GRIK2: variants seen among roughly 807,000 people sequenced by gnomAD.
GRIK2 encodes the protein glutamate receptor ionotropic, kainate 2.
A neutral mutation model predicts 100.3 loss-of-function variants in GRIK2; 32 were observed. The ratio of observed to expected loss-of-function variants is 0.32; its 90% confidence interval spans 0.24 to 0.43. The LOEUF is 0.43. Among genes scored for constraint, GRIK2 ranks in the 20% least tolerant of loss-of-function variants. The pLI, the probability that GRIK2 is intolerant of heterozygous loss-of-function variation, is 1.00. For missense variants in GRIK2, 843 were observed against 1,114.9 expected (o/e 0.76, Z 3.47); for synonymous variants, 417 against 389.4 (o/e 1.07, Z -0.83).
chr6:101,466,957 T>A (rs530946862), intron 2 of GRIK2, among the ~76,000 whole-genome samples: 29 of 152,322 alleles, frequency 1.9e-4, no homozygotes, highest in Non-Finnish European at 3.7e-4. Context: ...GTAAAAATAA[T>A]TTTCTTTCTT....
At chr6:101,572,170 C>T (rs1387479827) in intron 2 of GRIK2, among the ~76,000 whole-genome samples, 1 of 152,034 alleles carries the variant, frequency 6.6e-6, no homozygotes, top group South Asian at 2.1e-4. Flanking sequence ...AAAATTCTTA[C>T]ACAGATATTA....
At chr6:101,426,686 G>A (rs1890275) in intron 2 of GRIK2, among the ~76,000 whole-genome samples, 8,132 of 152,174 alleles carry the variant, frequency 0.053, 358 homozygotes, top group South Asian at 0.14. Context: ...TCATATTTGT[G>A]CCTGCCTCTC....
chr6:101,855,580 C>A (rs145020517), intron 10 of GRIK2, among the ~76,000 whole-genome samples: 4 of 151,990 alleles, frequency 2.6e-5, no homozygotes, highest in African/African-American at 9.7e-5. Context: ...AGAGCCAAGA[C>A]GTGGAGTTAG....
At chr6:101,677,954 T>C (rs879865736) in intron 5 of GRIK2, among the ~76,000 whole-genome samples, 1 of 152,180 alleles carries the variant, frequency 6.6e-6, no homozygotes, top group Admixed American at 6.5e-5. Context: ...ATGAAGCATA[T>C]GAGAGTTTTT....
At chr6:101,712,358 C>T (rs1035941111) in intron 7 of GRIK2, among the ~76,000 whole-genome samples, 2 of 151,768 alleles carry the variant, frequency 1.3e-5, no homozygotes, top group African/African-American at 4.8e-5. Flanking sequence ...GATTTATATG[C>T]CCATTGGAAT....
intron 14 of GRIK2, among the ~76,000 whole-genome samples, chr6:102,002,855 G>T (rs1435109914): frequency 1.3e-5 from 2 of 150,176 alleles, no homozygotes; most frequent in Non-Finnish European, 3.0e-5. Context: ...TACATTTTTA[G>T]ATATATATAT....
intron 12 of GRIK2, among the ~76,000 whole-genome samples, chr6:101,900,458 C>T (rs561017013): frequency 1.7e-3 from 257 of 152,172 alleles, no homozygotes; most frequent in Admixed American, 3.0e-3. Flanking sequence ...GCCTGGGCAA[C>T]AACAACAACT....
intron 14 of GRIK2, among the ~76,000 whole-genome samples, chr6:101,954,696 T>A (rs891052325): frequency 6.6e-5 from 10 of 151,858 alleles, no homozygotes; most frequent in Non-Finnish European, 1.5e-4. Context: ...TGCCTTTGTG[T>A]TTTTTTTCTT....
chr6:101,696,928 T>G (rs1362173327), intron 7 of GRIK2, among the ~76,000 whole-genome samples: 1 of 152,026 alleles, frequency 6.6e-6, no homozygotes, highest in Non-Finnish European at 1.5e-5. Flanking sequence ...ACACCAGTTT[T>G]GGGTAAGGTG....
chr6:101,647,056 A>T (rs1168321842), intron 4 of GRIK2, among the ~76,000 whole-genome samples: 2 of 151,902 alleles, frequency 1.3e-5, no homozygotes, highest in Non-Finnish European at 2.9e-5. Context: ...CTCCCTATAT[A>T]AAAAAATGTA....
At chr6:101,477,039 ACT>A (rs940393981) in intron 2 of GRIK2, among the ~76,000 whole-genome samples, 3 of 152,210 alleles carry the variant, frequency 2.0e-5, no homozygotes, top group African/African-American at 7.2e-5. Flanking sequence ...GCATTTTTAA[ACT>A]CTCTATCGCC....
chr6:101,501,295 A>G (rs888147907), intron 2 of GRIK2, among the ~76,000 whole-genome samples: 2 of 152,218 alleles, frequency 1.3e-5, no homozygotes, highest in East Asian at 1.9e-4. Context: ...AAAACTACCA[A>G]GGGATCTTGA....
intron 7 of GRIK2, among the ~76,000 whole-genome samples, chr6:101,792,112 A>C (rs1779911871): frequency 6.6e-6 from 1 of 151,668 alleles, no homozygotes; most frequent in Non-Finnish European, 1.5e-5. Context: ...TCTGCACGTG[A>C]GATGGGTTTC....
chr6:101,971,437 A>G (rs78923490), intron 14 of GRIK2, among the ~76,000 whole-genome samples: 9,130 of 152,076 alleles, frequency 0.06, 395 homozygotes, highest in Middle Eastern at 0.17. Flanking sequence ...GTGGGAGATG[A>G]TATAGGATAG....
chr6:101,664,904 A>G (rs1769900821), intron 4 of GRIK2, among the ~76,000 whole-genome samples: 1 of 152,166 alleles, frequency 6.6e-6, no homozygotes. Flanking sequence ...ACAAAAAATC[A>G]GTTCTTGTGA....
At chr6:101,536,572 A>G in intron 2 of GRIK2, among the ~76,000 whole-genome samples, 1 of 151,808 alleles carries the variant, frequency 6.6e-6, no homozygotes, top group South Asian at 2.1e-4. Flanking sequence ...ACGTTTTAAG[A>G]CTTATAGTAA....
chr6:101,461,771 A>G (rs1025851157), intron 2 of GRIK2, among the ~76,000 whole-genome samples: 2 of 152,186 alleles, frequency 1.3e-5, no homozygotes, highest in African/African-American at 2.4e-5. Flanking sequence ...CTCCATTACC[A>G]GCACTCATTA....
At chr6:101,683,584 T>C (rs1437596059) in intron 6 of GRIK2, among the ~76,000 whole-genome samples, 1 of 152,216 alleles carries the variant, frequency 6.6e-6, no homozygotes, top group African/African-American at 2.4e-5. Context: ...GTCCCAAATA[T>C]GAGTATCTCC....
intron 9 of GRIK2, among the ~76,000 whole-genome samples, chr6:101,802,978 A>G (rs796564726): frequency 3.3e-5 from 5 of 151,990 alleles, no homozygotes; most frequent in African/African-American, 1.2e-4. Context: ...TAAAACACCC[A>G]AAGAATGTGG....
Sources: allele counts gnomAD v4.1 joint callset (sites outside exome capture counted in the v4.1 genomes callset), GRCh38; gene constraint gnomAD v4.1.1; transcripts MANE v1.5; gene names NCBI Gene and HGNC (gene_info 2026-07-23, HGNC 2026-07-21).